The following PEMT variants were observed in gnomAD, a reference collection of about 807,000 sequenced individuals.
PEMT encodes the protein phosphatidylethanolamine N-methyltransferase.
In PEMT, 23 loss-of-function variants were observed where a neutral mutation model predicts 27.4. That is an observed-to-expected ratio of 0.84 (90% confidence interval 0.60 to 1.19). PEMT has a LOEUF of 1.19. Ranked by LOEUF, PEMT falls within the 50% of genes most tolerant of loss-of-function variation. The pLI is 0.00. For synonymous variants in PEMT, 137 were observed against 139.1 expected (o/e 0.98, Z 0.11); for missense variants, 307 against 310.1 (o/e 0.99, Z 0.07).
chr17:17,586,288 G>GAAAGAAAGAAAGAAAGAAA (rs1555546133), intron 1 of PEMT, among the ~76,000 whole-genome samples: 1 of 72,064 alleles, frequency 1.4e-5, no homozygotes, highest in Non-Finnish European at 2.8e-5. Flanking sequence ...AAGAAAGAAA[G>GAAAGAAAGAAAGAAAGAAA]AAAAAAAAAA....
intron 2 of PEMT, among the ~76,000 whole-genome samples, chr17:17,544,610 A>C (rs1011763705): frequency 6.6e-6 from 1 of 152,056 alleles, no homozygotes; most frequent in African/African-American, 2.4e-5. Flanking sequence ...GCCCCGATTC[A>C]CTGCACAGAC....
At position 17,582,240 on chromosome 17, in the gene PEMT, T is replaced by C. The variant is rs1190348379; in HGVS notation, c.97-5213A>G. 2.0e-6 allele frequency: 2 copies of C among 984,914 alleles called. No homozygotes were observed. Among genetic ancestry groups the C allele is most frequent in the Non-Finnish European group, 2.4e-6 (2 of 829,608 alleles). The allele number at this position is 984,914 out of a possible 1,614,324, so 61.0% of individuals were successfully genotyped here. A position where few individuals can be genotyped will look rare whatever the true frequency, so the allele number is the denominator to read the frequency against. On this transcript the variant is annotated intron_variant, in intron 1 of 6. Coordinates refer to ENST00000255389, the MANE Select transcript of PEMT (RefSeq NM_148172.3). The surrounding 1 kb of genome is among the most constrained non-coding windows in gnomAD (Gnocchi z 4.9). ...GCTCCAGGTTGCAGAGGCCTCGGAA[T>C]CTGACTAAAGGAAAGGAGCTACCCA...
chr17:17,566,835 G>A (rs1403605015), intron 2 of PEMT, among the ~76,000 whole-genome samples: 2 of 152,192 alleles, frequency 1.3e-5, no homozygotes, highest in Admixed American at 6.5e-5. Context: ...CCACCAGCCG[G>A]GTCCACAGAA....
intron 2 of PEMT, among the ~76,000 whole-genome samples, chr17:17,531,054 A>G (rs1162804979): frequency 6.6e-6 from 1 of 152,084 alleles, no homozygotes; most frequent in Admixed American, 6.5e-5. Context: ...AAAAAAAAAA[A>G]AAAAAAATCA....
rs1597887172 is a variant in PEMT, at chr17:17,523,963, T to C, written c.205-1568A>G. 1.3e-5 allele frequency among the ~76,000 whole-genome samples: 2 copies of C among 152,154 alleles called. No homozygotes were observed. Among genetic ancestry groups the C allele is most frequent in the Non-Finnish European group, 2.9e-5 (2 of 68,038 alleles). ...CCTGGCAACCACTCATCGCTTTCCG[T>C]TGCTATGGATTCACCTATTCTGGAC... On this transcript the variant is annotated intron_variant, in intron 2 of 6. Transcript: ENST00000255389. This position sits in a 1 kb window ranked among gnomAD's most constrained non-coding sequence, Gnocchi z 4.8.
At chr17:17,556,139 G>A (rs1445912150) in intron 2 of PEMT, among the ~76,000 whole-genome samples, 1 of 152,218 alleles carries the variant, frequency 6.6e-6, no homozygotes, top group East Asian at 1.9e-4. Flanking sequence ...GTGAGGGGGT[G>A]TCCCCCAGAC....
At chr17:17,539,713 A>C (rs868377287) in intron 2 of PEMT, among the ~76,000 whole-genome samples, 1 of 152,236 alleles carries the variant, frequency 6.6e-6, no homozygotes, top group African/African-American at 2.4e-5. Flanking sequence ...GTCACTGTGC[A>C]GGGGAACCAT....
chr17:17,537,776 C>T (rs778958878), intron 2 of PEMT, among the ~76,000 whole-genome samples: 33 of 152,174 alleles, frequency 2.2e-4, no homozygotes, highest in Non-Finnish European at 2.9e-4. Context: ...CTAGATTTCC[C>T]GGGGAGGGAG....
At chr17:17,546,608 C>T (rs976552942) in intron 2 of PEMT, among the ~76,000 whole-genome samples, 1 of 152,220 alleles carries the variant, frequency 6.6e-6, no homozygotes, top group African/African-American at 2.4e-5. Flanking sequence ...GCCTGGCCAC[C>T]TGCCACCCAT....
chr17:17,517,617 C>G (rs1038459785), intron 3 of PEMT, among the ~76,000 whole-genome samples: 1 of 152,264 alleles, frequency 6.6e-6, no homozygotes, highest in East Asian at 1.9e-4. Context: ...CCACAGTCCC[C>G]AAAGGCCTGG....
At chr17:17,530,657 C>G (rs1483550177) in intron 2 of PEMT, among the ~76,000 whole-genome samples, 3 of 152,288 alleles carry the variant, frequency 2.0e-5, no homozygotes, top group Non-Finnish European at 1.5e-5. Context: ...CAGAAAGATT[C>G]TAGACTGCAT....
chr17:17,525,997 CAACA>C (rs148919041), intron 2 of PEMT, among the ~76,000 whole-genome samples: 90,271 of 151,048 alleles, frequency 0.6, 27,302 homozygotes, highest in African/African-American at 0.69. Flanking sequence ...CTGTATCAAA[CAACA>C]AACAAACAAA....
intron 2 of PEMT, chr17:17,570,769 G>A (rs990117830): frequency 3.0e-6 from 3 of 985,364 alleles, no homozygotes; most frequent in African/African-American, 3.5e-5. Context: ...GGCTAGAGAG[G>A]AGCAGTGGGG....
chr17:17,591,499 C>A, intron 1 of PEMT, 32 bp downstream of exon 1: 1 of 1,557,272 alleles, frequency 6.4e-7, no homozygotes, highest in Non-Finnish European at 8.8e-7. Flanking sequence ...ATCCCTCTCC[C>A]AGTTTCCGCG....
chr17:17,555,181 C>G (rs1355147375), intron 2 of PEMT, among the ~76,000 whole-genome samples: 3 of 152,128 alleles, frequency 2.0e-5, no homozygotes, highest in Non-Finnish European at 4.4e-5. Context: ...ATGGCTTGTC[C>G]ATGTCACCCA....
At chr17:17,587,291 A>G (rs769706505) in intron 1 of PEMT, among the ~76,000 whole-genome samples, 6 of 152,212 alleles carry the variant, frequency 3.9e-5, no homozygotes, top group Non-Finnish European at 5.9e-5. Context: ...AGTAATAATA[A>G]GGGAATACTA....
intron 2 of PEMT, among the ~76,000 whole-genome samples, chr17:17,574,024 C>T (rs1037028434): frequency 7.2e-5 from 11 of 152,008 alleles, no homozygotes; most frequent in Non-Finnish European, 1.6e-4. Flanking sequence ...TCAACTGATC[C>T]ACCCACTGGG....
intron 6 of PEMT, 148 bp from the exon 7 acceptor site, chr17:17,505,996 T>C (rs1393078118): frequency 7.4e-7 from 1 of 1,344,992 alleles, no homozygotes; most frequent in Middle Eastern, 1.9e-4. Flanking sequence ...AACACTGACT[T>C]GGAGCCTTCA....
intron 2 of PEMT, among the ~76,000 whole-genome samples, chr17:17,524,347 G>A (rs1907512052): frequency 1.3e-5 from 2 of 152,192 alleles, no homozygotes; most frequent in Admixed American, 1.3e-4. Context: ...TTGAAGAGCT[G>A]TGAAACTGTT....
Sources: gnomAD v4.1 joint callset for allele counts (sites outside exome capture counted in the v4.1 genomes callset) on GRCh38, gnomAD v4.1.1 for gene constraint, Gnocchi (gnomAD v3.1) non-coding constraint, MANE v1.5 for transcripts, NCBI Gene and HGNC (gene_info 2026-07-23, HGNC 2026-07-21) for gene names.